TCF20: variants seen among roughly 807,000 people sequenced by gnomAD.
The protein encoded by TCF20 is transcription factor 20.
In TCF20, 3 loss-of-function variants were observed where a neutral mutation model predicts 148.6. The observed-to-expected ratio is 0.02, with a 90% confidence interval of 0.01 to 0.05. TCF20 has a LOEUF of 0.05. Ranked by LOEUF, TCF20 falls within the 10% of genes least tolerant of loss-of-function variation. The pLI is 1.00. For synonymous variants in TCF20, 1,049 were observed against 909.5 expected, an observed-to-expected ratio of 1.15 and a Z score of -2.76; for missense variants, 2,350 against 2,429.3, an observed-to-expected ratio of 0.97 and a Z score of 0.69.
At chr22:42,221,893 C>T (rs972289036) in intron 1 of TCF20, among the ~76,000 whole-genome samples, 7 of 151,960 alleles carry the variant, frequency 4.6e-5, no homozygotes, top group South Asian at 2.1e-4. Flanking sequence ...CGCCCACCAC[C>T]GTGCCTGGCT....
intron 1 of TCF20, among the ~76,000 whole-genome samples, chr22:42,257,271 T>C (rs1358514217): frequency 6.6e-6 from 1 of 152,240 alleles, no homozygotes; most frequent in African/African-American, 2.4e-5. Context: ...CTGTCTGCTA[T>C]GGTTTTCCTG....
At chr22:42,246,973 TAAA>T (rs745840080) in intron 1 of TCF20, among the ~76,000 whole-genome samples, 2 of 59,910 alleles carry the variant, frequency 3.3e-5, no homozygotes, top group African/African-American at 1.3e-4. Context: ...CTCAAAAAAT[TAAA>T]AAAAAAAAAA....
intron 1 of TCF20, among the ~76,000 whole-genome samples, chr22:42,239,738 G>A (rs868840446): frequency 2.0e-5 from 3 of 152,166 alleles, no homozygotes; most frequent in South Asian, 4.1e-4. Context: ...AGTGAGCCGA[G>A]ATGGCGCCAC....
At chr22:42,324,335 T>C (rs1034317653) in intron 1 of TCF20, among the ~76,000 whole-genome samples, 2 of 151,986 alleles carry the variant, frequency 1.3e-5, no homozygotes, top group Non-Finnish European at 2.9e-5. Context: ...TAAACATTAA[T>C]TAATTTCACT....
intron 5 of TCF20, among the ~76,000 whole-genome samples, chr22:42,165,027 G>A (rs529058077): frequency 5.3e-5 from 8 of 152,334 alleles, no homozygotes; most frequent in African/African-American, 1.4e-4. Flanking sequence ...CAGGACTGGA[G>A]GGAGGCCTAA....
intron 1 of TCF20, among the ~76,000 whole-genome samples, chr22:42,294,072 T>C (rs1927181704): frequency 6.6e-6 from 1 of 152,120 alleles, no homozygotes; most frequent in South Asian, 2.1e-4. Flanking sequence ...CAGGAAGTGA[T>C]AGAGCCCTAG....
chr22:42,221,808 G>T (rs1318046377), intron 1 of TCF20, among the ~76,000 whole-genome samples: 1 of 147,108 alleles, frequency 6.8e-6, no homozygotes, highest in South Asian at 2.1e-4. Context: ...GCGATATCTC[G>T]GCTCACTGCA....
At chr22:42,233,244 C>T (rs1415111508) in intron 1 of TCF20, among the ~76,000 whole-genome samples, 2 of 152,248 alleles carry the variant, frequency 1.3e-5, no homozygotes, top group Non-Finnish European at 2.9e-5. Context: ...ATTATAGTCT[C>T]ATTTAATCTT....
chr22:42,223,850 A>G, intron 1 of TCF20, among the ~76,000 whole-genome samples: 1 of 152,146 alleles, frequency 6.6e-6, no homozygotes, highest in East Asian at 1.9e-4. Context: ...TTCATACTCT[A>G]TGTCCTGTTT....
chr22:42,165,812 C>T (rs1014465261), intron 5 of TCF20, among the ~76,000 whole-genome samples: 1 of 152,230 alleles, frequency 6.6e-6, no homozygotes, highest in Admixed American at 6.5e-5. Flanking sequence ...GTTGGCACTG[C>T]TATTCCTGTT....
At chr22:42,228,696 G>GA (rs1923126822) in intron 1 of TCF20, among the ~76,000 whole-genome samples, 1 of 152,242 alleles carries the variant, frequency 6.6e-6, no homozygotes, top group South Asian at 2.1e-4. Context: ...AAACAGCAGG[G>GA]AGACAGCCAA....
intron 1 of TCF20, among the ~76,000 whole-genome samples, chr22:42,241,095 A>T (rs1023717773): frequency 6.6e-6 from 1 of 152,160 alleles, no homozygotes; most frequent in Non-Finnish European, 1.5e-5. Flanking sequence ...ACCTCAGCTG[A>T]TCTGCCTGCC....
At position 42,292,942 on chromosome 22, in the gene TCF20, A is replaced by ACTCT. The variant is rs1927159436; in HGVS notation, c.-37+50536_-37+50537insAGAG. ...CTCCCACTCTGTCCTGCCCACCAGGAGTGGCGGGGTTTGAATTTCAGGAGC... is the reference window on the plus strand; with the variant it reads ...CTCCCACTCTGTCCTGCCCACCAGGACTCTGTGGCGGGGTTTGAATTTCAGGAGC... On this transcript the variant is annotated intron_variant, in intron 1 of 1. Coordinates refer to the TCF20 transcript ENST00000515426. The surrounding 1 kb of genome is among the most constrained non-coding windows in gnomAD (Gnocchi z 4.9). Among the ~76,000 whole-genome samples the ACTCT allele has an allele frequency of 6.7e-6, 1 of 150,334 alleles. No homozygotes were observed. Among genetic ancestry groups the ACTCT allele is most frequent in the Admixed American group, 6.7e-5 (1 of 14,992 alleles).
At chr22:42,301,340 G>A (rs1231835446) in intron 1 of TCF20, among the ~76,000 whole-genome samples, 1 of 152,220 alleles carries the variant, frequency 6.6e-6, no homozygotes, top group African/African-American at 2.4e-5. Flanking sequence ...AGACAGAGGA[G>A]AGCCAGACAG....
At chr22:42,239,028 G>C (rs1231137686) in intron 1 of TCF20, among the ~76,000 whole-genome samples, 1 of 152,024 alleles carries the variant, frequency 6.6e-6, no homozygotes, top group Non-Finnish European at 1.5e-5. Flanking sequence ...TGACGCAGGA[G>C]AATGGCGTGA....
intron 1 of TCF20, among the ~76,000 whole-genome samples, chr22:42,324,591 T>C (rs1569210056): frequency 2.0e-5 from 3 of 151,662 alleles, no homozygotes; most frequent in Non-Finnish European, 2.9e-5. Flanking sequence ...GAAAATAATT[T>C]CCACCATCCG....
At position 42,209,819 on chromosome 22, in the gene TCF20, G is replaced by A. The variant is rs1456252029; in HGVS notation, c.5487C>T (p.Pro1829=). The A allele has an allele frequency of 6.8e-6, 11 of 1,614,066 alleles. No homozygotes were observed. The highest frequency in any genetic ancestry group is 9.3e-6 in the Non-Finnish European group (11 of 1,180,046). ...GCTCAGGGCCACCTTCTGAAGTGGT[G>A]GGCACGGAGGGCTTCGAGTCCAAAA... The part of the protein sequence containing the change: ...KTVLDSKPSV[P]TTSEGGPELE... The change falls in exon 2 of 6, where the codon CCC becomes CCT. Residue 1829 remains proline (P), a synonymous_variant. Coordinates refer to ENST00000677622, the MANE Select transcript of TCF20 (RefSeq NM_001378418.1).
At position 42,161,215 on chromosome 22, in the gene TCF20, G is replaced by C. The variant is rs1317521793; in HGVS notation, c.*188C>G. ...CTTTCCTGTGGTGTCACTGGTTTGAGTGTGATGTGAGAACTTAAGGAAGTG... is the reference window on the plus strand; with the variant it reads ...CTTTCCTGTGGTGTCACTGGTTTGACTGTGATGTGAGAACTTAAGGAAGTG... On this transcript the variant is annotated 3_prime_UTR_variant, in exon 6 of 6. Coordinates refer to ENST00000677622, the MANE Select transcript of TCF20 (RefSeq NM_001378418.1). The C allele has an allele frequency of 2.7e-6, 3 of 1,119,088 alleles. No homozygotes were observed. Among genetic ancestry groups the C allele is most frequent in the Non-Finnish European group, 3.9e-6 (3 of 771,410 alleles). 69.3% of individuals were successfully genotyped at this position (1,119,088 alleles called of 1,614,324 possible). A position where few individuals can be genotyped will look rare whatever the true frequency, so the allele number is the denominator to read the frequency against.
intron 1 of TCF20, among the ~76,000 whole-genome samples, chr22:42,314,518 G>A (rs1390326737): frequency 6.6e-6 from 1 of 152,258 alleles, no homozygotes; most frequent in Non-Finnish European, 1.5e-5. Flanking sequence ...GCCCACACCT[G>A]ACCCAGCTGC....
Sources: allele counts gnomAD v4.1 joint callset (sites outside exome capture counted in the v4.1 genomes callset), GRCh38; gene constraint gnomAD v4.1.1; non-coding constraint Gnocchi (gnomAD v3.1); transcripts MANE v1.5; gene names NCBI Gene and HGNC (gene_info 2026-07-23, HGNC 2026-07-21).